The following FRMD8 variants were observed in gnomAD, a reference collection of about 807,000 sequenced individuals.
FRMD8 encodes FERM domain-containing protein 8.
A neutral mutation model predicts 54.2 loss-of-function variants in FRMD8; 37 were observed. That is an observed-to-expected ratio of 0.68 (90% CI 0.53 to 0.90). The LOEUF is 0.90. Ranked by LOEUF, FRMD8 falls within the 40% of genes least tolerant of loss-of-function variation. The pLI, the probability that FRMD8 is intolerant of heterozygous loss-of-function variation, is 0.00. For synonymous variants in FRMD8, 246 were observed against 286.9 expected, an observed-to-expected ratio of 0.86 and a Z score of 1.44; for missense variants, 585 against 653.7, an observed-to-expected ratio of 0.89 and a Z score of 1.15.
intron 9 of FRMD8, among the ~76,000 whole-genome samples, chr11:65,401,969 AAT>A (rs576242731): frequency 9.9e-4 from 150 of 151,914 alleles, no homozygotes; most frequent in African/African-American, 3.5e-3. Context: ...TCCCAAAGTC[AAT>A]ATTTTACATC....
chr11:65,387,389 C>G (rs1203824992), intron 2 of FRMD8: 4 of 617,256 alleles, frequency 6.5e-6, no homozygotes, highest in South Asian at 3.9e-5. Context: ...AAAGTGAAGG[C>G]TGATGTGGTT....
At chr11:65,410,026 T>C (rs907487239) in intron 10 of FRMD8, among the ~76,000 whole-genome samples, 3 of 151,278 alleles carry the variant, frequency 2.0e-5, no homozygotes, top group African/African-American at 7.3e-5. Context: ...TGAGCCGTGA[T>C]TGTAACACTG....
chr11:65,389,295 C>T (rs1370285149), intron 2 of FRMD8, 66 bp from the exon 3 acceptor site: 2 of 1,539,378 alleles, frequency 1.3e-6, no homozygotes, highest in African/African-American at 2.7e-5. Flanking sequence ...TAGAGGGTGC[C>T]TGGTTGGCCT....
the FRMD8 span, chr11:65,380,554 T>A: frequency 7.5e-7 from 1 of 1,333,776 alleles, no homozygotes; most frequent in South Asian, 1.2e-5. Flanking sequence ...GCTTTACTCT[T>A]CTTTCTTCAA....
upstream of FRMD8, among the ~76,000 whole-genome samples, chr11:65,385,255 C>T (rs1051060720): frequency 6.6e-6 from 1 of 152,114 alleles, no homozygotes; most frequent in African/African-American, 2.4e-5. Flanking sequence ...AGATGCCTGC[C>T]CCCACTGGAC....
chr11:65,404,954 C>T lies in FRMD8; in HGVS notation c.1162C>T (p.Pro388Ser). ...CCCCCAGGACAGTGCGACTGGCTCG[C>T]CCTCGGACCCCAGCTCCTCACTGGC... ...AGPQDSATGSPSDPSSSLAPV... is the reference protein window; with the variant it reads ...AGPQDSATGSSSDPSSSLAPV... Residue 388 changes from proline to serine, a missense_variant, in exon 10 of 11, where the codon CCC (proline) becomes TCC (serine). Physicochemically the swap from Pro to Ser is moderately conservative, Grantham distance 74. Coordinates refer to ENST00000317568, the MANE Select transcript of FRMD8 (RefSeq NM_031904.5). This position sits in a 1 kb window ranked among gnomAD's most constrained non-coding sequence, Gnocchi z 4.7. 2 of 1,613,152 alleles carry T rather than the reference C, an allele frequency of 1.2e-6. No individual in the cohort carries two copies. The highest frequency in any genetic ancestry group is 1.7e-6 in the Non-Finnish European group (2 of 1,180,022).
chr11:65,382,008 C>A (rs527692486), upstream of FRMD8: 31 of 1,440,666 alleles, frequency 2.2e-5, no homozygotes, highest in Admixed American at 3.2e-4. The surrounding 1 kb of genome is among the most constrained non-coding windows in gnomAD (Gnocchi z 4.4). Flanking sequence ...TGAATTCCCC[C>A]CTCTCCCTCC....
At chr11:65,380,264 A>G in the FRMD8 span, 1 of 1,589,780 alleles carries the variant, frequency 6.3e-7, no homozygotes, top group Non-Finnish European at 8.6e-7. Flanking sequence ...GGGTTCAGGC[A>G]GGAGGAAGGA....
At position 65,396,953 on chromosome 11, in the gene FRMD8, T is replaced by C; in HGVS notation, c.736T>C (p.Cys246Arg). Residue 246 changes from cysteine (C) to arginine (R), a missense_variant, in exon 7 of 11, where the codon TGC becomes CGC. By Grantham distance (180) the Cys-to-Arg change is radical (BLOSUM62 -3). Transcript: ENST00000317568. ...QVQEVSSDGG[C>R]EAALGTHYRA... ...GCAGGAGGTCAGCAGCGACGGCGGG[T>C]GCGAGGCCGCCCTGGGCACCCACTA... is the stretch of plus-strand genomic sequence containing the variant. 2 of 1,516,776 alleles carry C rather than the reference T, an allele frequency of 1.3e-6. No homozygotes were observed. Among genetic ancestry groups the C allele is most frequent in the Middle Eastern group, 1.7e-4 (1 of 5,830 alleles). 94.0% of individuals were successfully genotyped at this position (1,516,776 alleles called of 1,614,324 possible). A position where few individuals can be genotyped will look rare whatever the true frequency, so the allele number is the denominator to read the frequency against.
At chr11:65,378,722 G>C in the FRMD8 span, 1 of 152,408 alleles carries the variant, frequency 6.6e-6, no homozygotes, top group African/African-American at 2.4e-5. Flanking sequence ...TTGCGGCTGG[G>C]GTGTCAGTGG....
chr11:65,392,004 C>T (rs1287017872), intron 3 of FRMD8, among the ~76,000 whole-genome samples: 2 of 152,192 alleles, frequency 1.3e-5, no homozygotes, highest in Non-Finnish European at 2.9e-5. Context: ...CATGAGGACC[C>T]CATGAGGGGC....
intron 8 of FRMD8, 121 bp downstream of exon 8, chr11:65,399,980 C>T: frequency 8.2e-7 from 1 of 1,214,178 alleles, no homozygotes; most frequent in Non-Finnish European, 1.1e-6. Flanking sequence ...CTGGGAGGGA[C>T]CCTGCCTCCG....
chr11:65,382,018 C>T (rs547525632), upstream of FRMD8: 187 of 1,349,552 alleles, frequency 1.4e-4, no homozygotes, highest in African/African-American at 2.3e-3. This position sits in a 1 kb window ranked among gnomAD's most constrained non-coding sequence, Gnocchi z 4.4. Flanking sequence ...CCTCTCCCTC[C>T]CCTGGCCCAC....
At chr11:65,399,697 C>G (rs367571458) in intron 7 of FRMD8, 39 bp from the exon 8 acceptor site, 73 of 1,607,568 alleles carry the variant, frequency 4.5e-5, no homozygotes, top group African/African-American at 1.6e-4. Flanking sequence ...CTCAGCATTT[C>G]TGGTGCTGGC....
At chr11:65,395,161 CACTTGA>C (rs1275371868) in intron 6 of FRMD8, among the ~76,000 whole-genome samples, 3 of 150,988 alleles carry the variant, frequency 2.0e-5, no homozygotes, top group Non-Finnish European at 3.0e-5. Flanking sequence ...GCAGGAGAAT[CACTTGA>C]ACCTGGGAGG....
chr11:65,373,489 G>T, the FRMD8 span, among the ~76,000 whole-genome samples: 1 of 152,220 alleles, frequency 6.6e-6, no homozygotes. Context: ...CCCTGGGAGA[G>T]CTTTTCACAA....
intron 2 of FRMD8, 55 bp from the exon 3 acceptor site, chr11:65,389,306 G>C: frequency 6.3e-7 from 1 of 1,575,544 alleles, no homozygotes; most frequent in South Asian, 1.1e-5. Context: ...TGGTTGGCCT[G>C]GCCTGGCTGT....
At chr11:65,376,950 G>A in the FRMD8 span, 17 of 1,612,908 alleles carry the variant, frequency 1.1e-5, no homozygotes, top group African/African-American at 9.3e-5. Flanking sequence ...CCCTCCTCCC[G>A]GAAGATGGAG....
the FRMD8 span, chr11:65,375,310 G>A: frequency 6.6e-6 from 1 of 152,432 alleles, no homozygotes; most frequent in South Asian, 2.1e-4. Flanking sequence ...AAGCCGAGAA[G>A]CAAATTAATG....
Sources: gnomAD v4.1 joint callset for allele counts (sites outside exome capture counted in the v4.1 genomes callset) on GRCh38, gnomAD v4.1.1 for gene constraint, Gnocchi (gnomAD v3.1) non-coding constraint, MANE v1.5 for transcripts, NCBI Gene and HGNC (gene_info 2026-07-23, HGNC 2026-07-21) for gene names.